TANC1: variants seen among roughly 807,000 people sequenced by gnomAD.
TANC1 encodes the protein tetratricopeptide repeat, ankyrin repeat and coiled-coil containing 1, also known as protein TANC1.
A neutral mutation model predicts 149.7 loss-of-function variants in TANC1; 77 were observed. The observed-to-expected ratio is 0.51, with a 90% CI of 0.43 to 0.62. The LOEUF is 0.62. TANC1 is among the 20% of genes least tolerant of loss of function. TANC1 has a pLI of 0.00. For missense variants in TANC1, 1,985 were observed against 2,321.8 expected (o/e 0.85, Z 2.98); for synonymous variants, 854 against 925.0 (o/e 0.92, Z 1.39).
intron 5 of TANC1, among the ~76,000 whole-genome samples, chr2:159,139,044 AT>A (rs912220855): frequency 2.1e-4 from 32 of 151,650 alleles, no homozygotes; most frequent in East Asian, 5.8e-4. Context: ...AAGAAGATGA[AT>A]TTTTTTTTGT....
At chr2:159,225,459 G>C (rs756735163) in intron 23 of TANC1, 104 of 577,366 alleles carry the variant, frequency 1.8e-4, no homozygotes, top group Non-Finnish European at 2.5e-4. Flanking sequence ...GGATGCCTTC[G>C]TTTCTCATTA....
At chr2:159,059,947 G>A (rs796219032) in intron 2 of TANC1, among the ~76,000 whole-genome samples, 1 of 102,906 alleles carries the variant, frequency 9.7e-6, no homozygotes, top group African/African-American at 3.3e-5. Context: ...TGTTGTTGTT[G>A]TTTTTTTTTT....
rs2060366647 is a variant in TANC1 at position 159,232,447 on chromosome 2, C to A, written c.*1435C>A. The A allele has an allele frequency of 6.6e-6, 1 of 152,510 alleles. No individual in the cohort carries two copies. Among genetic ancestry groups the A allele is most frequent in the Non-Finnish European group, 1.5e-5 (1 of 68,000 alleles). The allele number at this position is 152,510 out of a possible 1,614,324, so 9.4% of individuals were successfully genotyped here. On this transcript the variant is annotated 3_prime_UTR_variant, in exon 27 of 27. Transcript: ENST00000263635. ...CATTATGGTTTTGTACAAATAGGAACCTCTGATGTCATTCTTCAACGTTTG... is the reference window on the plus strand; with the variant it reads ...CATTATGGTTTTGTACAAATAGGAAACTCTGATGTCATTCTTCAACGTTTG...
At chr2:159,082,337 T>C (rs1426814823) in intron 3 of TANC1, among the ~76,000 whole-genome samples, 1 of 149,634 alleles carries the variant, frequency 6.7e-6, no homozygotes, top group African/African-American at 2.5e-5. Flanking sequence ...AAGTATTTTG[T>C]AAATTGTATT....
chr2:159,061,644 T>G (rs2149665731), intron 2 of TANC1, among the ~76,000 whole-genome samples: 1 of 152,352 alleles, frequency 6.6e-6, no homozygotes, highest in Admixed American at 6.5e-5. Context: ...TGCAAAACTT[T>G]GGTTGAATAA....
chr2:159,165,956 GTTTTT>G (rs1447311946), intron 8 of TANC1, among the ~76,000 whole-genome samples: 1 of 152,246 alleles, frequency 6.6e-6, no homozygotes, highest in South Asian at 2.1e-4. Flanking sequence ...ACAGTGACAG[GTTTTT>G]TTATTTTTAT....
chr2:159,222,778 T>C (rs997989060), intron 22 of TANC1, among the ~76,000 whole-genome samples: 3 of 152,240 alleles, frequency 2.0e-5, no homozygotes, highest in Non-Finnish European at 4.4e-5. Flanking sequence ...CTGGCTCATA[T>C]AGTGATTGTA....
chr2:159,098,148 AATG>A (rs2046324686), intron 4 of TANC1, among the ~76,000 whole-genome samples: 1 of 152,142 alleles, frequency 6.6e-6, no homozygotes, highest in Non-Finnish European at 1.5e-5. Context: ...GGCACCGACT[AATG>A]ATGTTTCTTT....
intron 2 of TANC1, among the ~76,000 whole-genome samples, chr2:159,015,115 G>C (rs264614): frequency 6.6e-6 from 1 of 152,140 alleles, no homozygotes; most frequent in Admixed American, 6.5e-5. Flanking sequence ...GAGGTTCTCC[G>C]TGAGGGGTCT....
chr2:159,146,236 A>C (rs1044942460), intron 5 of TANC1, among the ~76,000 whole-genome samples: 2 of 152,208 alleles, frequency 1.3e-5, no homozygotes, highest in African/African-American at 4.8e-5. Flanking sequence ...GGCTCTGTGC[A>C]TTAGGGAAGG....
intron 7 of TANC1, 48 bp downstream of exon 7, chr2:159,150,604 C>G: frequency 6.9e-7 from 1 of 1,444,030 alleles, no homozygotes; most frequent in South Asian, 1.2e-5. Context: ...TCTCATCAAC[C>G]AGAGCATTCA....
intron 3 of TANC1, among the ~76,000 whole-genome samples, chr2:159,083,246 T>C (rs1029101936): frequency 1.2e-4 from 19 of 152,196 alleles, no homozygotes; most frequent in Middle Eastern, 3.4e-3. Context: ...TGAGCCACCA[T>C]ACCTGGCCTA....
At chr2:159,112,653 G>A (rs1416838433) in intron 4 of TANC1, among the ~76,000 whole-genome samples, 2 of 146,118 alleles carry the variant, frequency 1.4e-5, no homozygotes, top group African/African-American at 2.5e-5. Context: ...CTGCATCCTT[G>A]AACTCCTGGG....
intron 5 of TANC1, 46 bp from the exon 6 acceptor site, chr2:159,149,096 A>C: frequency 6.5e-7 from 1 of 1,533,028 alleles, no homozygotes; most frequent in Non-Finnish European, 8.8e-7. Context: ...TGCGATACTG[A>C]AATTCCCCAG....
rs762168184 is a variant in TANC1, at chr2:159,225,704, G to A, written c.3828G>A (p.Ala1276=). Residue 1276 remains alanine (A), a synonymous_variant, in exon 24 of 27, where the codon GCG becomes GCA. Transcript: ENST00000263635. The part of the protein sequence containing the change: ...KGAKLGNAAW[A]MATSKPDILI... ...GTTTTGCAGGAAATGCTGCTTGGGC[G>A]ATGGCCACTTCCAAACCTGATATCT... is the stretch of plus-strand genomic sequence containing the variant. The A allele has an allele frequency of 6.8e-6, 11 of 1,613,920 alleles. No homozygotes were observed. In the African/African-American group the frequency reaches 8.0e-5, roughly 12 times the overall value.
chr2:159,008,809 T>G (rs1315745139), intron 2 of TANC1, among the ~76,000 whole-genome samples: 2 of 152,190 alleles, frequency 1.3e-5, no homozygotes, highest in Non-Finnish European at 2.9e-5. Flanking sequence ...AGAGACAAAG[T>G]ATTCGGTTGA....
chr2:159,210,502 T>C (rs1257036682), intron 19 of TANC1, among the ~76,000 whole-genome samples: 3 of 152,154 alleles, frequency 2.0e-5, no homozygotes, highest in Non-Finnish European at 4.4e-5. Flanking sequence ...CATTTTATGG[T>C]GCAAAAAGCT....
chr2:159,226,140 A>G (rs542063877), intron 24 of TANC1: 1 of 276,926 alleles, frequency 3.6e-6, no homozygotes, highest in South Asian at 3.7e-5. Flanking sequence ...ACTGCACTCC[A>G]GCCTCAGCAA....
At chr2:158,980,282 A>G (rs2034149223) in intron 1 of TANC1, among the ~76,000 whole-genome samples, 1 of 151,574 alleles carries the variant, frequency 6.6e-6, no homozygotes, top group Admixed American at 6.6e-5. Flanking sequence ...AATTGTAGAA[A>G]CTTTTTTTTT....
Sources: gnomAD v4.1 joint callset for allele counts (sites outside exome capture counted in the v4.1 genomes callset) on GRCh38, gnomAD v4.1.1 for gene constraint, MANE v1.5 for transcripts, NCBI Gene and HGNC (gene_info 2026-07-23, HGNC 2026-07-21) for gene names.